IQSEC2: variants seen among roughly 807,000 people sequenced by gnomAD.
The protein encoded by IQSEC2 is IQ motif and SEC7 domain-containing protein 2.
In IQSEC2, 6 loss-of-function variants were observed where a neutral mutation model predicts 74.6. The ratio of observed to expected loss-of-function variants is 0.08; its 90% CI spans 0.04 to 0.16. The LOEUF is 0.16. Ranked by LOEUF, IQSEC2 falls within the 10% of genes least tolerant of loss-of-function variation. The pLI is 1.00. For missense variants in IQSEC2, 734 were observed against 1,306.2 expected, an observed-to-expected ratio of 0.56 and a Z score of 6.75; for synonymous variants, 494 against 544.5, an observed-to-expected ratio of 0.91 and a Z score of 1.29.
intron 2 of IQSEC2, among the ~76,000 whole-genome samples, chrX:53,272,330 C>T (rs2074756598): frequency 9.0e-6 from 1 of 111,452 alleles, no homozygotes; most frequent in Admixed American, 9.5e-5. Context: ...CTACTGAAAT[C>T]AACACTAATA....
chrX:53,259,668 C>T (rs1017350719), intron 2 of IQSEC2, among the ~76,000 whole-genome samples: 47 of 109,587 alleles, frequency 4.3e-4, no homozygotes, highest in East Asian at 2.9e-4. Flanking sequence ...GGCGTGGTGG[C>T]GCATGCCTGT....
intron 2 of IQSEC2, chrX:53,281,676 G>T (rs1455656081): frequency 1.6e-6 from 1 of 624,487 alleles, no homozygotes; most frequent in Non-Finnish European, 2.3e-6. Context: ...TGGAAACTTT[G>T]CTCCTTCCCC....
At chrX:53,240,860 C>T (rs1047783118) in intron 10 of IQSEC2, among the ~76,000 whole-genome samples, 9 of 109,475 alleles carry the variant, frequency 8.2e-5, no homozygotes, top group South Asian at 7.9e-4. Flanking sequence ...CTGCAACCTC[C>T]GCCTCCTGGG....
At chrX:53,294,342 G>A (rs2075130348) in intron 1 of IQSEC2, among the ~76,000 whole-genome samples, 1 of 112,144 alleles carries the variant, frequency 8.9e-6, no homozygotes, top group Non-Finnish European at 1.9e-5. Flanking sequence ...ATGTGGGGGT[G>A]CAGCTCACCC....
chrX:53,316,974 C>T (rs1357001750), intron 1 of IQSEC2, among the ~76,000 whole-genome samples: 1 of 110,911 alleles, frequency 9.0e-6, no homozygotes, highest in Non-Finnish European at 1.9e-5. Context: ...CTTCAGCCCA[C>T]CACCGCCTAC....
chrX:53,301,887 C>A (rs1299108001), intron 1 of IQSEC2, among the ~76,000 whole-genome samples: 2 of 111,981 alleles, frequency 1.8e-5, no homozygotes, highest in African/African-American at 3.2e-5. Context: ...CTTAGTTTCC[C>A]CAACTATAAA....
chrX:53,314,366 C>G (rs1196489767), intron 1 of IQSEC2, among the ~76,000 whole-genome samples: 2 of 112,197 alleles, frequency 1.8e-5, no homozygotes, highest in African/African-American at 6.5e-5. Context: ...ACAAAATGCA[C>G]TCAGTATATG....
rs147339087 is a variant in IQSEC2 at position 53,271,918 on chromosome X, T to C, written c.738-15857A>G. 5.1e-3 allele frequency among the ~76,000 whole-genome samples: 569 copies of C among 111,750 alleles called. 4 individuals carry two copies. Among genetic ancestry groups the C allele is most frequent in the African/African-American group, 0.018 (546 of 30,787 alleles). On this transcript the variant is annotated intron_variant, in intron 2 of 14. Coordinates refer to ENST00000642864, the MANE Select transcript of IQSEC2 (RefSeq NM_001111125.3). ...CATCTCTTCCACCAAAAAATGCACATAGGTATATGAATGCAACATTTTGCA... is the reference window on the plus strand; with the variant it reads ...CATCTCTTCCACCAAAAAATGCACACAGGTATATGAATGCAACATTTTGCA...
At position 53,321,228 on chromosome X, in the gene IQSEC2, C is replaced by A. The variant is rs1556880432; in HGVS notation, c.-105G>T. ...GCCGGGGGAGGGGGCCGGCGGGACGCGAGGGCGCGCACCGGGCTTGAGGGC... is the reference window on the plus strand; with the variant it reads ...GCCGGGGGAGGGGGCCGGCGGGACGAGAGGGCGCGCACCGGGCTTGAGGGC... On this transcript the variant is annotated 5_prime_UTR_variant, in exon 1 of 15. Transcript: ENST00000642864. 6.6e-6 allele frequency: 3 copies of A among 455,537 alleles called. No individual in the cohort carries two copies. In the African/African-American group the frequency reaches 8.1e-5, roughly 12 times the overall value. The allele number at this position is 455,537 out of a possible 1,213,427, so 37.5% of individuals were successfully genotyped here. A position where few individuals can be genotyped will look rare whatever the true frequency, so the allele number is the denominator to read the frequency against.
intron 1 of IQSEC2, among the ~76,000 whole-genome samples, chrX:53,316,709 T>C (rs1206932015): frequency 9.1e-6 from 1 of 110,116 alleles, no homozygotes; most frequent in African/African-American, 3.3e-5. Flanking sequence ...GTGTTCCTTT[T>C]TTGCAATTAT....
At position 53,295,876 on chromosome X, in the gene IQSEC2, T is replaced by A. The variant is rs138795373; in HGVS notation, c.708-3952A>T. On this transcript the variant is annotated intron_variant, in intron 1 of 14. Coordinates refer to ENST00000642864, the MANE Select transcript of IQSEC2 (RefSeq NM_001111125.3). ...ACCTGAAATTAGATCAAGAAGCTTG[T>A]CCCTGAAAGCAAAACTAATTAAATA... Among the ~76,000 whole-genome samples, 132 of 110,459 alleles carry A rather than the reference T, an allele frequency of 1.2e-3. 2 individuals are homozygous for A. In the East Asian group the frequency reaches 0.025, roughly 21 times the overall value.
rs372630160 is a variant in IQSEC2, at chrX:53,250,944, C to T, written c.1632G>A (p.Glu544=). Residue 544 remains glutamate, a synonymous_variant, in exon 5 of 15, where the codon GAG becomes GAA. Transcript: ENST00000642864. Reference sequence around the variant, plus strand: ...GCGGGAGAGGGGCTGGCGCCCAGAACTCGGGCCGGCCCTGGGGTGGGGGTT... The same window carrying T: ...GCGGGAGAGGGGCTGGCGCCCAGAATTCGGGCCGGCCCTGGGGTGGGGGTT... The part of the protein sequence containing the change: ...STEPPPQGRP[E]FWAPAPLPPV... 2.5e-6 allele frequency: 3 copies of T among 1,209,602 alleles called. No homozygotes were observed. Among genetic ancestry groups the T allele is most frequent in the Non-Finnish European group, 3.4e-6 (3 of 894,583 alleles).
At chrX:53,300,846 G>A (rs1178434141) in intron 1 of IQSEC2, among the ~76,000 whole-genome samples, 4 of 111,163 alleles carry the variant, frequency 3.6e-5, no homozygotes, top group African/African-American at 9.8e-5. Flanking sequence ...AGTCCATCGT[G>A]GTATATCAGT....
chrX:53,292,746 TGA>T (rs782060001), intron 1 of IQSEC2, among the ~76,000 whole-genome samples: 5 of 110,814 alleles, frequency 4.5e-5, no homozygotes, highest in South Asian at 3.8e-4. Context: ...AAGAAGAGTG[TGA>T]GAGTGTATAC....
At chrX:53,305,933 A>G (rs2075257435) in intron 1 of IQSEC2, among the ~76,000 whole-genome samples, 1 of 111,963 alleles carries the variant, frequency 8.9e-6, no homozygotes, top group Admixed American at 9.4e-5. Flanking sequence ...GGGAACACCA[A>G]AAAAGGAAGG....
intron 9 of IQSEC2, among the ~76,000 whole-genome samples, chrX:53,242,522 C>G (rs1486539115): frequency 3.7e-5 from 4 of 108,620 alleles, no homozygotes; most frequent in African/African-American, 1.3e-4. Flanking sequence ...TGAAAATGGT[C>G]TCTCTCTCCT....
chrX:53,233,625 C>T lies in IQSEC2; in HGVS notation c.*594G>A. ...GAGGAAGCACTGCCCCACGTGGGGC[C>T]AACACAAGCAGGGTCCCACCCACCA... On this transcript the variant is annotated 3_prime_UTR_variant, in exon 15 of 15. Transcript: ENST00000642864. 1 of 251,802 alleles carries T rather than the reference C, an allele frequency of 4.0e-6. No homozygotes were observed. Among genetic ancestry groups the T allele is most frequent in the Non-Finnish European group, 7.1e-6 (1 of 141,460 alleles). 20.8% of individuals were successfully genotyped at this position (251,802 alleles called of 1,213,427 possible).
intron 2 of IQSEC2, among the ~76,000 whole-genome samples, chrX:53,267,483 A>G (rs2074678259): frequency 8.9e-6 from 1 of 112,241 alleles, no homozygotes; most frequent in Non-Finnish European, 1.9e-5. Context: ...AACTTGCTCT[A>G]GGTCACACAG....
intron 2 of IQSEC2, among the ~76,000 whole-genome samples, chrX:53,267,399 T>C (rs782736047): frequency 1.5e-3 from 164 of 112,161 alleles, no homozygotes; most frequent in African/African-American, 5.1e-3. Context: ...ACGCATCATC[T>C]CACTTAGCCC....
Sources: gnomAD v4.1 joint callset for allele counts (sites outside exome capture counted in the v4.1 genomes callset) on GRCh38, gnomAD v4.1.1 for gene constraint, MANE v1.5 for transcripts, NCBI Gene and HGNC (gene_info 2026-07-23, HGNC 2026-07-21) for gene names.